ECE1: variants seen among roughly 807,000 people sequenced by gnomAD.
ECE1 encodes endothelin converting enzyme 1.
In ECE1, 35 loss-of-function variants were observed where a neutral mutation model predicts 98.6. The ratio of observed to expected loss-of-function variants is 0.35; its 90% confidence interval spans 0.27 to 0.47. The LOEUF (loss-of-function observed/expected upper bound fraction) is 0.47, where lower values mean the gene tolerates loss of function less well. Ranked by LOEUF, ECE1 falls within the 20% of genes least tolerant of loss-of-function variation. The pLI is 1.00. For missense variants in ECE1, 814 were observed against 1,025.3 expected, an observed-to-expected ratio of 0.79 and a Z score of 2.81; for synonymous variants, 394 against 407.1, an observed-to-expected ratio of 0.97 and a Z score of 0.39.
At chr1:21,253,533 C>CG in intron 8 of ECE1, among the ~76,000 whole-genome samples, 1 of 150,778 alleles carries the variant, frequency 6.6e-6, no homozygotes, top group Admixed American at 6.6e-5. Flanking sequence ...GAGGCCGAGG[C>CG]GGGCAACTCA....
At position 21,225,921 on chromosome 1, in the gene ECE1, C is replaced by G. The variant is rs1261178702; in HGVS notation, c.1850-481G>C. On this transcript the variant is annotated intron_variant, in intron 16 of 18. Coordinates refer to ENST00000374893, the MANE Select transcript of ECE1 (RefSeq NM_001397.3). The surrounding 1 kb of genome is among the most constrained non-coding windows in gnomAD (Gnocchi z 5.3). ...TGTTGGCCAGGCTGGTCTTGAACTC[C>G]TGACCTCAAGTGATCTGCCCACCTC... Among the ~76,000 whole-genome samples the G allele has an allele frequency of 6.6e-6, 1 of 151,948 alleles. No individual in the cohort carries two copies. The highest frequency in any genetic ancestry group is 2.4e-5 in the African/African-American group (1 of 41,362).
chr1:21,252,373 A>G (rs1375804959), intron 8 of ECE1, among the ~76,000 whole-genome samples: 1 of 152,198 alleles, frequency 6.6e-6, no homozygotes, highest in Non-Finnish European at 1.5e-5. Context: ...TCCACTTGTG[A>G]CTCACACCCT....
chr1:21,226,758 C>T (rs2098174779), intron 16 of ECE1, among the ~76,000 whole-genome samples: 1 of 152,176 alleles, frequency 6.6e-6, no homozygotes, highest in Non-Finnish European at 1.5e-5. Flanking sequence ...TGGAGTCTCG[C>T]TCTGTCACCC....
chr1:21,328,374 C>T (rs1201734724), intron 1 of ECE1, among the ~76,000 whole-genome samples: 2 of 152,328 alleles, frequency 1.3e-5, no homozygotes, highest in Admixed American at 1.3e-4. Context: ...AGACCTTGTG[C>T]CTGGCACATA....
In ECE1 at chr1:21,258,639, A is replaced by T; in HGVS notation, c.762+54T>A. On this transcript the variant is annotated intron_variant, in intron 6 of 18. Coordinates refer to ENST00000374893, the MANE Select transcript of ECE1 (RefSeq NM_001397.3). The surrounding 1 kb of genome is among the most constrained non-coding windows in gnomAD (Gnocchi z 4.2). ...CACCCCAGGTCCTGCTAAACTCAAA[A>T]CAGGAAGAGGTCGTGCCCGCCCCCT... 1.2e-6 allele frequency: 2 copies of T among 1,609,064 alleles called. No individual in the cohort carries two copies. Among genetic ancestry groups the T allele is most frequent in the Non-Finnish European group, 1.7e-6 (2 of 1,176,730 alleles).
intron 3 of ECE1, among the ~76,000 whole-genome samples, chr1:21,277,265 G>A (rs952704473): frequency 6.6e-6 from 1 of 152,190 alleles, no homozygotes; most frequent in African/African-American, 2.4e-5. Context: ...CCTCCCAAGG[G>A]GCCCCACTGG....
chr1:21,327,542 G>A lies in ECE1; in HGVS notation c.3+17834C>T, dbSNP rs533806319. 2.0e-5 allele frequency among the ~76,000 whole-genome samples: 3 copies of A among 152,256 alleles called. No individual in the cohort carries two copies. The East Asian group carries it at 5.8e-4, about 29-fold the overall frequency. On this transcript the variant is annotated intron_variant, in intron 1 of 18. Transcript: ENST00000415912. The surrounding 1 kb of genome is among the most constrained non-coding windows in gnomAD (Gnocchi z 4.6). ...TAGCTCCCTGCTGACACCCCTTCGA[G>A]AACCGGGAGACCTCCACCCTGCTTG...
intron 12 of ECE1, 117 bp from the exon 13 acceptor site, chr1:21,236,044 G>C: frequency 1.0e-6 from 1 of 958,400 alleles, no homozygotes; most frequent in Non-Finnish European, 1.7e-6. Flanking sequence ...GGCCCTGCCT[G>C]CCTTGGGCTT....
At chr1:21,253,342 C>A (rs1381792100) in intron 8 of ECE1, among the ~76,000 whole-genome samples, 3 of 151,994 alleles carry the variant, frequency 2.0e-5, no homozygotes, top group African/African-American at 4.8e-5. Flanking sequence ...CAGGCCTGAG[C>A]CACCATGCCC....
rs1182820448 is a variant in ECE1 at position 21,309,768 on chromosome 1, CT to C, written c.4-19613del. 1.0e-4 allele frequency among the ~76,000 whole-genome samples: 15 copies of C among 146,888 alleles called. No individual in the cohort carries two copies. In the South Asian group the frequency reaches 2.0e-3, roughly 19 times the overall value. ...TAAAAACCAAACCCAGCTGGATTTTCTTTTTTTTTCTTTCTTTTTTTTTTTT... is the reference window on the plus strand; with the variant it reads ...TAAAAACCAAACCCAGCTGGATTTTCTTTTTTTTCTTTCTTTTTTTTTTTT... On this transcript the variant is annotated intron_variant, in intron 1 of 18. Coordinates refer to the ECE1 transcript ENST00000415912.
At chr1:21,263,749 C>T (rs1465015673) in intron 4 of ECE1, among the ~76,000 whole-genome samples, 1 of 152,106 alleles carries the variant, frequency 6.6e-6, no homozygotes. Flanking sequence ...CATGCCCCCT[C>T]TGTGTGTGTC....
intron 1 of ECE1, among the ~76,000 whole-genome samples, chr1:21,297,168 C>T (rs1352571239): frequency 6.6e-6 from 1 of 152,234 alleles, no homozygotes; most frequent in Non-Finnish European, 1.5e-5. Flanking sequence ...CGCTGGGAAG[C>T]ACTCACTCAC....
chr1:21,276,026 CTTTTTTTTT>C (rs532213567), intron 3 of ECE1, among the ~76,000 whole-genome samples: 3 of 91,270 alleles, frequency 3.3e-5, no homozygotes, highest in Non-Finnish European at 6.1e-5. Flanking sequence ...TTAATACGTG[CTTTTTTTTT>C]TTTTTTTTTT....
chr1:21,262,847 A>G (rs1355428308), intron 4 of ECE1, among the ~76,000 whole-genome samples: 1 of 152,128 alleles, frequency 6.6e-6, no homozygotes, highest in African/African-American at 2.4e-5. Flanking sequence ...TGCCACGCTC[A>G]CTTGCTTTCC....
chr1:21,342,769 G>C (rs1639426383), intron 1 of ECE1, among the ~76,000 whole-genome samples: 1 of 152,142 alleles, frequency 6.6e-6, no homozygotes, highest in African/African-American at 2.4e-5. Flanking sequence ...ATAAACACTT[G>C]ATCAGTCCCG....
rs2103231957 is a variant in ECE1 at position 21,233,783 on chromosome 1, G to A, written c.1567-122C>T. 1 of 880,882 alleles carries A rather than the reference G, an allele frequency of 1.1e-6. No homozygotes were observed. The highest frequency in any genetic ancestry group is 1.8e-6 in the Non-Finnish European group (1 of 550,278). 54.6% of individuals were successfully genotyped at this position (880,882 alleles called of 1,614,324 possible). A position where few individuals can be genotyped will look rare whatever the true frequency, so the allele number is the denominator to read the frequency against. On this transcript the variant is annotated intron_variant, in intron 13 of 18. Transcript: ENST00000374893. This position sits in a 1 kb window ranked among gnomAD's most constrained non-coding sequence, Gnocchi z 4.0. ...CTGCAGGCTGGAGACCGGAATGCAG[G>A]GCTTGGGGCTGCAGGGTCAGCTCTT...
rs1205915232 is a variant in ECE1, at chr1:21,279,602, A to G, written c.139-270T>C. Reference sequence around the variant, plus strand: ...TTTTTGTGTCACTCGATATGAGTGGAAGGAAAAAACTACAGCTTTTCCCTG... The same window carrying G: ...TTTTTGTGTCACTCGATATGAGTGGGAGGAAAAAACTACAGCTTTTCCCTG... On this transcript the variant is annotated intron_variant, in intron 2 of 18. Transcript: ENST00000374893. 7 of 1,433,102 alleles carry G rather than the reference A, an allele frequency of 4.9e-6. No individual in the cohort carries two copies. In the East Asian group the frequency reaches 1.3e-4, roughly 26 times the overall value. The allele number at this position is 1,433,102 out of a possible 1,614,324, so 88.8% of individuals were successfully genotyped here.
chr1:21,330,858 G>C (rs1316668146), intron 1 of ECE1, among the ~76,000 whole-genome samples: 1 of 151,970 alleles, frequency 6.6e-6, no homozygotes, highest in African/African-American at 2.4e-5. Flanking sequence ...GAAGACCTAA[G>C]ATTAATTTCT....
rs527688483 is a variant in ECE1 at position 21,340,133 on chromosome 1, T to C, written c.3+5243A>G. ...CCTATGGGCAGGATGACTCTGGAGCTGCATCCCCAGGTTGGCACATAGCAT... is the reference window on the plus strand; with the variant it reads ...CCTATGGGCAGGATGACTCTGGAGCCGCATCCCCAGGTTGGCACATAGCAT... On this transcript the variant is annotated intron_variant, in intron 1 of 18. Coordinates refer to the ECE1 transcript ENST00000415912. This position sits in a 1 kb window ranked among gnomAD's most constrained non-coding sequence, Gnocchi z 4.6. Among the ~76,000 whole-genome samples, 194 of 152,360 alleles carry C rather than the reference T, an allele frequency of 1.3e-3. No individual in the cohort carries two copies. The highest frequency in any genetic ancestry group is 2.4e-3 in the Non-Finnish European group (166 of 68,032).
Sources: allele counts gnomAD v4.1 joint callset (sites outside exome capture counted in the v4.1 genomes callset), GRCh38; gene constraint gnomAD v4.1.1; non-coding constraint Gnocchi (gnomAD v3.1); transcripts MANE v1.5; gene names NCBI Gene and HGNC (gene_info 2026-07-23, HGNC 2026-07-21).